Variants in TBC1D19 observed in about 807,000 individuals in gnomAD.
TBC1D19 encodes the protein TBC1 domain family member 19.
In TBC1D19, 60 loss-of-function variants were observed where a neutral mutation model predicts 89.0. That is an observed-to-expected ratio of 0.67 (90% CI 0.55 to 0.84). TBC1D19 has a LOEUF of 0.84. TBC1D19 is among the 40% of genes least tolerant of loss of function. The probability of loss-of-function intolerance (pLI) is 0.00; values close to 1 mark genes in which losing one functional copy is unlikely to be tolerated. For synonymous variants in TBC1D19, 189 were observed against 199.7 expected, an observed-to-expected ratio of 0.95 and a Z score of 0.45; for missense variants, 500 against 610.8, an observed-to-expected ratio of 0.82 and a Z score of 1.91.
At chr4:26,764,807 A>G in the TBC1D19 span, among the ~76,000 whole-genome samples, 4 of 152,306 alleles carry the variant, frequency 2.6e-5, no homozygotes, top group East Asian at 7.7e-4. Flanking sequence ...CAAAAAAGTA[A>G]AAGTGCTTCT....
At chr4:26,696,626 A>G (rs1371005163) in intron 13 of TBC1D19, among the ~76,000 whole-genome samples, 1 of 152,248 alleles carries the variant, frequency 6.6e-6, no homozygotes. Context: ...CTCCTCAGCA[A>G]ACGTAAAAGA....
intron 1 of TBC1D19, among the ~76,000 whole-genome samples, chr4:26,596,760 C>T (rs115930925): frequency 6.6e-6 from 1 of 151,974 alleles, no homozygotes; most frequent in Non-Finnish European, 1.5e-5. Context: ...GCTTTGACTG[C>T]ATTCCACAGT....
chr4:26,747,532 C>T (rs143269130), intron 18 of TBC1D19, among the ~76,000 whole-genome samples: 111 of 152,308 alleles, frequency 7.3e-4, no homozygotes, highest in African/African-American at 2.5e-3. Flanking sequence ...AAGGCAACCT[C>T]TGGGTCCTTT....
chr4:26,610,760 A>G (rs2110009850), intron 1 of TBC1D19, among the ~76,000 whole-genome samples: 1 of 151,922 alleles, frequency 6.6e-6, no homozygotes, highest in Non-Finnish European at 1.5e-5. Flanking sequence ...AGCTTAATCC[A>G]TGTTGCTAGA....
chr4:26,674,007 A>T (rs1314388082), intron 11 of TBC1D19, 119 bp downstream of exon 11: 1 of 541,078 alleles, frequency 1.8e-6, no homozygotes, highest in Non-Finnish European at 3.3e-6. Flanking sequence ...CCCTTTTTAA[A>T]TTTTCAAAAT....
chr4:26,731,325 G>A (rs1266008362), intron 15 of TBC1D19, among the ~76,000 whole-genome samples: 1 of 152,120 alleles, frequency 6.6e-6, no homozygotes, highest in Non-Finnish European at 1.5e-5. Context: ...AGAGGCTGAA[G>A]GGGTGGCGAT....
chr4:26,833,653 C>T, the TBC1D19 span, among the ~76,000 whole-genome samples: 1 of 152,238 alleles, frequency 6.6e-6, no homozygotes, highest in African/African-American at 2.4e-5. Context: ...GAAGCTTGTG[C>T]TACAAAAGCT....
chr4:26,848,097 C>T, the TBC1D19 span, among the ~76,000 whole-genome samples: 1 of 152,138 alleles, frequency 6.6e-6, no homozygotes, highest in Non-Finnish European at 1.5e-5. Flanking sequence ...ATGACTGGGC[C>T]ACAAGGTGCC....
chr4:26,647,537 C>T (rs576766542), intron 7 of TBC1D19, among the ~76,000 whole-genome samples: 273 of 152,202 alleles, frequency 1.8e-3, no homozygotes, highest in African/African-American at 6.2e-3. Context: ...GCACAGCTTC[C>T]GGAGGAAGGC....
chr4:26,659,677 T>A lies in TBC1D19; in HGVS notation c.561T>A (p.Val187=). 1 of 1,589,832 alleles carries A rather than the reference T, an allele frequency of 6.3e-7. No homozygotes were observed. The highest frequency in any genetic ancestry group is 8.6e-7 in the Non-Finnish European group (1 of 1,163,036). ...GGACTCATTTGGGTTTAATTCAAGTTCCACTGAAAGTAAAAGACATCCCTG... is the reference window on the plus strand; with the variant it reads ...GGACTCATTTGGGTTTAATTCAAGTACCACTGAAAGTAAAAGACATCCCTG... ...SFRTHLGLIQ[V]PLKVKDIPEL... Residue 187 remains valine, a synonymous_variant, in exon 8 of 21, where the codon GTT becomes GTA. Coordinates refer to ENST00000264866, the MANE Select transcript of TBC1D19 (RefSeq NM_018317.4).
At chr4:26,780,895 G>A in the TBC1D19 span, among the ~76,000 whole-genome samples, 4 of 152,140 alleles carry the variant, frequency 2.6e-5, no homozygotes, top group Admixed American at 2.6e-4. Context: ...CCTGATGTGT[G>A]GAGATTTGCC....
intron 1 of TBC1D19, among the ~76,000 whole-genome samples, chr4:26,585,975 T>G (rs897419830): frequency 1.3e-5 from 2 of 152,160 alleles, no homozygotes; most frequent in African/African-American, 4.8e-5. Context: ...ATCAATTGTT[T>G]TATGATTTGT....
At chr4:26,734,324 T>C (rs1246155559) in intron 15 of TBC1D19, among the ~76,000 whole-genome samples, 4 of 152,216 alleles carry the variant, frequency 2.6e-5, no homozygotes, top group African/African-American at 7.2e-5. Flanking sequence ...AATTTTTGCC[T>C]GTGAACATGT....
chr4:26,850,540 CAAAAAAAA>C, the TBC1D19 span, among the ~76,000 whole-genome samples: 118 of 90,410 alleles, frequency 1.3e-3, no homozygotes, highest in South Asian at 2.9e-3. Context: ...GACCCTGTCT[CAAAAAAAA>C]AAAAAAAAAA....
chr4:26,620,497 T>C, intron 3 of TBC1D19, 116 bp from the exon 4 acceptor site: 2 of 824,584 alleles, frequency 2.4e-6, no homozygotes, highest in Non-Finnish European at 3.8e-6. Flanking sequence ...ACAGTACATT[T>C]TGAATATAAA....
the TBC1D19 span, among the ~76,000 whole-genome samples, chr4:26,783,917 C>T: frequency 6.6e-6 from 1 of 152,118 alleles, no homozygotes; most frequent in African/African-American, 2.4e-5. Context: ...AGTATGTTCT[C>T]TAAATTCAAA....
intron 1 of TBC1D19, among the ~76,000 whole-genome samples, chr4:26,611,430 A>G (rs143840043): frequency 6.6e-6 from 1 of 151,918 alleles, no homozygotes; most frequent in Non-Finnish European, 1.5e-5. Flanking sequence ...TTGTAAACTC[A>G]TGGTATAGCT....
At chr4:26,690,596 C>G (rs925745696) in intron 13 of TBC1D19, among the ~76,000 whole-genome samples, 1 of 152,166 alleles carries the variant, frequency 6.6e-6, no homozygotes, top group African/African-American at 2.4e-5. Flanking sequence ...TATGCTTAAT[C>G]TACTCTGCCT....
chr4:26,704,126 G>C (rs970791439), intron 13 of TBC1D19, among the ~76,000 whole-genome samples: 1 of 152,106 alleles, frequency 6.6e-6, no homozygotes, highest in Non-Finnish European at 1.5e-5. Context: ...TAGTATTCCA[G>C]TGTTAAGTTA....
Sources: allele counts gnomAD v4.1 joint callset (sites outside exome capture counted in the v4.1 genomes callset), GRCh38; gene constraint gnomAD v4.1.1; transcripts MANE v1.5; gene names NCBI Gene and HGNC (gene_info 2026-07-23, HGNC 2026-07-21).